Variants in INTS9 observed in about 807,000 individuals in gnomAD.
INTS9 encodes integrator complex subunit 9.
A neutral mutation model predicts 79.7 loss-of-function variants in INTS9; 55 were observed. The ratio of observed to expected loss-of-function variants is 0.69; its 90% confidence interval spans 0.56 to 0.86. The LOEUF (loss-of-function observed/expected upper bound fraction) is 0.86. Ranked by LOEUF, INTS9 falls within the 40% of genes least tolerant of loss-of-function variation. The pLI, the probability that INTS9 is intolerant of heterozygous loss-of-function variation, is 0.00. For missense variants in INTS9, 721 were observed against 831.5 expected (o/e 0.87, Z 1.64); for synonymous variants, 319 against 325.2 (o/e 0.98, Z 0.20).
chr8:28,825,963 C>G (rs35288967), intron 6 of INTS9, among the ~76,000 whole-genome samples: 8,767 of 152,214 alleles, frequency 0.058, 361 homozygotes, highest in Non-Finnish European at 0.085. Flanking sequence ...AACTTACGTT[C>G]TACAATCAGA....
At chr8:28,846,298 A>G (rs985928278) in intron 4 of INTS9, among the ~76,000 whole-genome samples, 8 of 152,232 alleles carry the variant, frequency 5.3e-5, no homozygotes. Context: ...TCTATGACTC[A>G]GTTCAGAATC....
chr8:28,866,529 AT>A (rs1808754154), intron 1 of INTS9, among the ~76,000 whole-genome samples: 1 of 152,036 alleles, frequency 6.6e-6, no homozygotes, highest in Non-Finnish European at 1.5e-5. Context: ...AACAAATGAA[AT>A]TTTCCTAGTA....
chr8:28,774,016 C>T (rs743674), intron 14 of INTS9, among the ~76,000 whole-genome samples: 104,630 of 151,936 alleles, frequency 0.69, 36,546 homozygotes, highest in African/African-American at 0.76. Context: ...GGTTTCACCA[C>T]CTTGGCCAGG....
chr8:28,828,600 A>G (rs1806285501), intron 6 of INTS9, among the ~76,000 whole-genome samples: 2 of 152,212 alleles, frequency 1.3e-5, no homozygotes, highest in African/African-American at 2.4e-5. Flanking sequence ...ACACACTTCT[A>G]TCTTCTCTTC....
chr8:28,860,748 C>T (rs1808417795), intron 1 of INTS9, among the ~76,000 whole-genome samples: 1 of 152,210 alleles, frequency 6.6e-6, no homozygotes, highest in South Asian at 2.1e-4. Context: ...TCCCAAAGTG[C>T]TGGGGTTATA....
chr8:28,785,775 A>T (rs1211362267), intron 11 of INTS9, among the ~76,000 whole-genome samples: 1 of 152,220 alleles, frequency 6.6e-6, no homozygotes, highest in African/African-American at 2.4e-5. Context: ...ACACATACAC[A>T]CACATGCACA....
chr8:28,813,819 G>A, intron 6 of INTS9: 1 of 459,826 alleles, frequency 2.2e-6, no homozygotes, highest in South Asian at 3.0e-5. Context: ...GGAGTGCTAT[G>A]GCGCCATCTC....
chr8:28,804,637 G>T (rs940202241), intron 8 of INTS9, among the ~76,000 whole-genome samples: 3 of 152,100 alleles, frequency 2.0e-5, no homozygotes, highest in African/African-American at 7.2e-5. Flanking sequence ...GGTCCCTGAG[G>T]GTCAAGCAAG....
intron 14 of INTS9, among the ~76,000 whole-genome samples, chr8:28,775,482 C>T (rs770082896): frequency 2.6e-5 from 4 of 152,114 alleles, no homozygotes; most frequent in East Asian, 3.9e-4. Flanking sequence ...ATTACAGATG[C>T]GTGCCACCAC....
Position 28,777,857 on chromosome 8 carries a change from T to C in INTS9, c.1367A>G (p.Gln456Arg). 2.5e-6 allele frequency: 4 copies of C among 1,611,998 alleles called. No homozygotes were observed. The highest frequency in any genetic ancestry group is 2.5e-6 in the Non-Finnish European group (3 of 1,179,012). ...CACTTCTTTAAGCAGCTTTGACACC[T>C]GGATGAAGTTCAGCCGGGTGTCGAT... ...CPIDTRLNFI[Q>R]VSKLLKEVQP... The change falls in exon 13 of 17, where the codon CAG (glutamine) becomes CGG (arginine). Residue 456 changes from glutamine (Q) to arginine (R), a missense_variant. Around this residue, in one of 3 missense-constraint regions of INTS9, gnomAD observed 281 missense variants for 300.8 expected, o/e 0.93. Transcript: ENST00000521022.
intron 5 of INTS9, 116 bp downstream of exon 5, chr8:28,837,521 G>A (rs2131187198): frequency 8.9e-7 from 1 of 1,118,268 alleles, no homozygotes. Flanking sequence ...CTGTTCTTTG[G>A]GTTAGTTGTT....
intron 8 of INTS9, among the ~76,000 whole-genome samples, chr8:28,805,472 T>C (rs912823080): frequency 6.6e-6 from 1 of 152,214 alleles, no homozygotes; most frequent in Non-Finnish European, 1.5e-5. Context: ...TAGCAGGATG[T>C]TATGAGATCC....
intron 8 of INTS9, among the ~76,000 whole-genome samples, chr8:28,805,183 A>G (rs140423664): frequency 6.6e-4 from 101 of 152,360 alleles, no homozygotes; most frequent in African/African-American, 2.4e-3. Context: ...TATTAAAGTG[A>G]AAATTCTAAA....
intron 1 of INTS9, among the ~76,000 whole-genome samples, chr8:28,878,964 G>A (rs1048410594): frequency 2.3e-5 from 3 of 130,698 alleles, no homozygotes; most frequent in African/African-American, 8.7e-5. Context: ...GGGTGACAGA[G>A]TGAGACTTCG....
At chr8:28,814,548 G>A (rs1488706257) in intron 6 of INTS9, among the ~76,000 whole-genome samples, 1 of 152,104 alleles carries the variant, frequency 6.6e-6, no homozygotes, top group Non-Finnish European at 1.5e-5. Context: ...AAGAGGAACT[G>A]TTGAAAAAAG....
chr8:28,885,848 TA>T (rs1810152823), intron 1 of INTS9, among the ~76,000 whole-genome samples: 1 of 152,226 alleles, frequency 6.6e-6, no homozygotes, highest in African/African-American at 2.4e-5. Flanking sequence ...TGTGCTAATT[TA>T]AAAGATATAT....
chr8:28,842,965 G>A (rs1807277784), intron 4 of INTS9, among the ~76,000 whole-genome samples: 1 of 152,168 alleles, frequency 6.6e-6, no homozygotes, highest in South Asian at 2.1e-4. Context: ...CTGAATTAGT[G>A]ATGGTGTGTT....
chr8:28,804,473 C>A (rs1438515371), intron 8 of INTS9, among the ~76,000 whole-genome samples: 1 of 152,046 alleles, frequency 6.6e-6, no homozygotes, highest in African/African-American at 2.4e-5. Flanking sequence ...CCCCGCCCCC[C>A]TGCATGAGGA....
At position 28,807,847 on chromosome 8, in the gene INTS9, T is replaced by C. The variant is rs202177294; in HGVS notation, c.744+4480A>G. Among the ~76,000 whole-genome samples the C allele has an allele frequency of 4.6e-5, 7 of 152,306 alleles. No individual in the cohort carries two copies. In the East Asian group the frequency reaches 1.3e-3, roughly 29 times the overall value. On this transcript the variant is annotated intron_variant, in intron 8 of 16. Transcript: ENST00000521022. ...CCACTATCATCATTGCTGTGCAACG[T>C]AGTATTATAGGGCTCAGTCACAAGA...
Sources: allele counts gnomAD v4.1 joint callset (sites outside exome capture counted in the v4.1 genomes callset), GRCh38; gene constraint gnomAD v4.1.1; regional missense constraint gnomAD v4.1.1; transcripts MANE v1.5; gene names NCBI Gene and HGNC (gene_info 2026-07-23, HGNC 2026-07-21).